The following MTHFD1L variants were observed in gnomAD, a reference collection of about 807,000 sequenced individuals.
MTHFD1L encodes methylenetetrahydrofolate dehydrogenase (NADP+ dependent) 1 like.
Under a neutral mutation model 119.5 loss-of-function variants are expected in MTHFD1L, and 81 were observed. The observed-to-expected ratio is 0.68, with a 90% CI of 0.57 to 0.82. The LOEUF (loss-of-function observed/expected upper bound fraction) is 0.82. Ranked by LOEUF, MTHFD1L falls within the 40% of genes least tolerant of loss-of-function variation. The pLI, the probability that MTHFD1L is intolerant of heterozygous loss-of-function variation, is 0.00. For synonymous variants in MTHFD1L, 430 were observed against 475.2 expected, an observed-to-expected ratio of 0.90 and a Z score of 1.24; for missense variants, 1,125 against 1,253.4, an observed-to-expected ratio of 0.90 and a Z score of 1.55.
intron 24 of MTHFD1L, among the ~76,000 whole-genome samples, chr6:151,030,967 G>A (rs772630536): frequency 1.3e-5 from 2 of 152,190 alleles, no homozygotes; most frequent in African/African-American, 4.8e-5. Context: ...AATCACTTGA[G>A]GCCGGGAGTT....
chr6:150,990,562 T>G lies in MTHFD1L; in HGVS notation c.2125+18504T>G, dbSNP rs955337890. Among the ~76,000 whole-genome samples the G allele has an allele frequency of 1.4e-4, 22 of 152,136 alleles. No homozygotes were observed. The East Asian group carries it at 2.5e-3, about 17-fold the overall frequency. Reference sequence around the variant, plus strand: ...GCAACCTCCACCTCCCAGGTTCAAGTGATTCTCCTGCCTCAGCCTCCCGAG... The same window carrying G: ...GCAACCTCCACCTCCCAGGTTCAAGGGATTCTCCTGCCTCAGCCTCCCGAG... On this transcript the variant is annotated intron_variant, in intron 20 of 27. Transcript: ENST00000367321.
chr6:151,026,093 C>T (rs1394450408), intron 24 of MTHFD1L, among the ~76,000 whole-genome samples: 1 of 151,962 alleles, frequency 6.6e-6, no homozygotes, highest in Non-Finnish European at 1.5e-5. Context: ...AATTTTATTC[C>T]ACTAAAAAAC....
At chr6:150,951,709 C>G (rs1794903756) in intron 16 of MTHFD1L, among the ~76,000 whole-genome samples, 1 of 151,834 alleles carries the variant, frequency 6.6e-6, no homozygotes. Context: ...TATTGAGAAG[C>G]CTACATATTT....
At chr6:150,969,023 A>G (rs968115553) in intron 19 of MTHFD1L, among the ~76,000 whole-genome samples, 1 of 146,206 alleles carries the variant, frequency 6.8e-6, no homozygotes, top group African/African-American at 2.5e-5. Flanking sequence ...TAATTTTTGT[A>G]TTTTTAGTAG....
chr6:150,884,178 G>A (rs193286468), intron 5 of MTHFD1L, among the ~76,000 whole-genome samples: 231 of 139,150 alleles, frequency 1.7e-3, no homozygotes, highest in African/African-American at 6.1e-3. Context: ...GTCTCACTCT[G>A]TTGCCCAGGC....
intron 11 of MTHFD1L, among the ~76,000 whole-genome samples, chr6:150,933,785 AT>A: frequency 6.6e-6 from 1 of 151,862 alleles, no homozygotes; most frequent in Middle Eastern, 3.4e-3. Context: ...GGGTCCTCTT[AT>A]TTTTTGTGTT....
intron 16 of MTHFD1L, among the ~76,000 whole-genome samples, chr6:150,949,909 C>T (rs747574368): frequency 1.2e-4 from 19 of 152,250 alleles, no homozygotes; most frequent in Admixed American, 3.9e-4. Context: ...CACAGAAACA[C>T]GGCAACCACA....
At position 150,932,255 on chromosome 6, in the gene MTHFD1L, G is replaced by A. The variant is rs1791187307; in HGVS notation, c.1257-4549G>A. On this transcript the variant is annotated intron_variant, in intron 11 of 27. Coordinates refer to ENST00000367321, the MANE Select transcript of MTHFD1L (RefSeq NM_015440.5). Reference sequence around the variant, plus strand: ...ACAGGTGATGTGATAGCGGTGCAAAGAGGGTGAGCATTGTCCTTTACCTCA... The same window carrying A: ...ACAGGTGATGTGATAGCGGTGCAAAAAGGGTGAGCATTGTCCTTTACCTCA... Among the ~76,000 whole-genome samples, 4 of 150,488 alleles carry A rather than the reference G, an allele frequency of 2.7e-5. No homozygotes were observed. In the South Asian group the frequency reaches 8.5e-4, roughly 32 times the overall value.
intron 20 of MTHFD1L, among the ~76,000 whole-genome samples, chr6:150,996,681 C>T (rs1779848005): frequency 6.6e-6 from 1 of 152,152 alleles, no homozygotes; most frequent in Non-Finnish European, 1.5e-5. Context: ...GGCCAAGTTA[C>T]CCTCAGTCTC....
At chr6:150,946,036 T>C (rs922528789) in intron 15 of MTHFD1L, among the ~76,000 whole-genome samples, 1 of 152,240 alleles carries the variant, frequency 6.6e-6, no homozygotes, top group Admixed American at 6.5e-5. Context: ...TTAGAATTTT[T>C]GGTGAGTCCT....
At chr6:151,057,594 T>C (rs563048151) in intron 26 of MTHFD1L, among the ~76,000 whole-genome samples, 53 of 152,196 alleles carry the variant, frequency 3.5e-4, no homozygotes, top group African/African-American at 1.1e-3. Context: ...ATTGCGCCAC[T>C]GCACTCCAGC....
chr6:151,093,317 A>C (rs1794614608), intron 27 of MTHFD1L, among the ~76,000 whole-genome samples: 1 of 152,186 alleles, frequency 6.6e-6, no homozygotes, highest in Non-Finnish European at 1.5e-5. Context: ...TAAGGACCCC[A>C]GTCCTATTGG....
intron 26 of MTHFD1L, chr6:151,088,097 G>A (rs952783522): frequency 2.0e-5 from 3 of 152,152 alleles, no homozygotes; most frequent in South Asian, 2.1e-4. Context: ...ACAATCCTTT[G>A]ATAACAGTTT....
At chr6:150,962,440 T>C (rs1796580379) in intron 18 of MTHFD1L, among the ~76,000 whole-genome samples, 1 of 152,250 alleles carries the variant, frequency 6.6e-6, no homozygotes, top group Non-Finnish European at 1.5e-5. Context: ...TTGCAAAAAG[T>C]AACTAATTTA....
intron 26 of MTHFD1L, among the ~76,000 whole-genome samples, chr6:151,085,025 A>ATATATGTGTG (rs1793658223): frequency 7.7e-6 from 1 of 129,330 alleles, no homozygotes; most frequent in African/African-American, 3.1e-5. Flanking sequence ...ATATATGTAT[A>ATATATGTGTG]TACACACACA....
intron 26 of MTHFD1L, among the ~76,000 whole-genome samples, chr6:151,053,539 C>T (rs936549560): frequency 1.3e-5 from 2 of 152,074 alleles, no homozygotes; most frequent in African/African-American, 2.4e-5. Context: ...CATTTGTGAT[C>T]CTCTGTGCCA....
intron 16 of MTHFD1L, 84 bp from the exon 17 acceptor site, chr6:150,955,911 T>C: frequency 8.3e-7 from 1 of 1,209,684 alleles, no homozygotes; most frequent in Non-Finnish European, 1.2e-6. Context: ...CTCTGCAACT[T>C]CCTGAGCATC....
chr6:150,925,398 A>T (rs1182469363), intron 10 of MTHFD1L, among the ~76,000 whole-genome samples: 1 of 152,162 alleles, frequency 6.6e-6, no homozygotes, highest in Non-Finnish European at 1.5e-5. Context: ...AGCATTACAC[A>T]TGCTGGTATC....
intron 8 of MTHFD1L, among the ~76,000 whole-genome samples, chr6:150,917,891 T>G (rs1752832059): frequency 6.6e-6 from 1 of 152,170 alleles, no homozygotes; most frequent in African/African-American, 2.4e-5. Context: ...GAGCTATTAT[T>G]TCTATCTCTA....
Sources: gnomAD v4.1 joint callset for allele counts (sites outside exome capture counted in the v4.1 genomes callset) on GRCh38, gnomAD v4.1.1 for gene constraint, MANE v1.5 for transcripts, NCBI Gene and HGNC (gene_info 2026-07-23, HGNC 2026-07-21) for gene names.